The following VPS45 variants were observed in gnomAD, a reference collection of about 807,000 sequenced individuals.
VPS45 encodes vacuolar protein sorting-associated protein 45.
A neutral mutation model predicts 75.9 loss-of-function variants in VPS45; 35 were observed. The observed-to-expected ratio is 0.46, with a 90% CI of 0.35 to 0.61. The LOEUF is 0.61. VPS45 is among the 20% of genes least tolerant of loss of function. The pLI, the probability that VPS45 is intolerant of heterozygous loss-of-function variation, is 0.00. For synonymous variants in VPS45, 220 were observed against 238.2 expected (o/e 0.92, Z 0.70); for missense variants, 559 against 685.9 (o/e 0.81, Z 2.07).
At chr1:150,122,107 G>T (rs1658265951) in intron 14 of VPS45, among the ~76,000 whole-genome samples, 1 of 152,090 alleles carries the variant, frequency 6.6e-6, no homozygotes, top group Admixed American at 6.5e-5. Context: ...GATCACCTGA[G>T]GTCAAGAGTT....
At chr1:150,127,165 A>T (rs587685534) in intron 14 of VPS45, among the ~76,000 whole-genome samples, 2 of 152,230 alleles carry the variant, frequency 1.3e-5, no homozygotes, top group African/African-American at 4.8e-5. Flanking sequence ...ATGCTGAAAG[A>T]TAATATTTTG....
intron 14 of VPS45, among the ~76,000 whole-genome samples, chr1:150,138,093 C>G (rs1449639992): frequency 6.6e-6 from 1 of 152,030 alleles, no homozygotes; most frequent in Non-Finnish European, 1.5e-5. Flanking sequence ...CTCACATATT[C>G]TCTTAAATCC....
intron 14 of VPS45, among the ~76,000 whole-genome samples, chr1:150,131,406 G>A (rs901019935): frequency 6.6e-6 from 1 of 152,134 alleles, no homozygotes; most frequent in South Asian, 2.1e-4. Flanking sequence ...TACTCAGGAG[G>A]CTGAGGCAGG....
intron 13 of VPS45, among the ~76,000 whole-genome samples, chr1:150,102,961 C>T (rs782479916): frequency 1.2e-4 from 18 of 152,002 alleles, no homozygotes; most frequent in Non-Finnish European, 2.4e-4. Context: ...TATGACAAAC[C>T]GCCGTGACAC....
intron 7 of VPS45, 123 bp downstream of exon 7, chr1:150,077,902 T>C (rs1655486743): frequency 1.3e-6 from 1 of 785,120 alleles, no homozygotes; most frequent in Non-Finnish European, 2.1e-6. Context: ...TTCTTGGTTT[T>C]GCTTTGTATT....
chr1:150,122,924 A>C (rs1658312526), intron 14 of VPS45, among the ~76,000 whole-genome samples: 1 of 146,714 alleles, frequency 6.8e-6, no homozygotes, highest in Admixed American at 7.1e-5. Flanking sequence ...GCTTGAACCC[A>C]GGAGGCGGAG....
chr1:150,116,539 G>A (rs1354258351), intron 14 of VPS45, among the ~76,000 whole-genome samples: 2 of 152,050 alleles, frequency 1.3e-5, no homozygotes, highest in African/African-American at 2.4e-5. Flanking sequence ...AGCTAGTATT[G>A]GAAGCCAGAA....
At chr1:150,088,249 A>G (rs1163656318) in intron 10 of VPS45, among the ~76,000 whole-genome samples, 1 of 151,984 alleles carries the variant, frequency 6.6e-6, no homozygotes, top group Non-Finnish European at 1.5e-5. Flanking sequence ...ATCCTCTGGT[A>G]ACTGCTATTC....
chr1:150,123,743 G>A (rs183387098), intron 14 of VPS45, among the ~76,000 whole-genome samples: 2 of 152,242 alleles, frequency 1.3e-5, no homozygotes, highest in East Asian at 1.9e-4. Flanking sequence ...AATTGTTATC[G>A]TAATAGGCAA....
At chr1:150,124,003 A>T (rs148875861) in intron 14 of VPS45, among the ~76,000 whole-genome samples, 78 of 152,186 alleles carry the variant, frequency 5.1e-4, no homozygotes, top group Non-Finnish European at 7.8e-4. Flanking sequence ...ATTCTTTGTC[A>T]TAGTACTAGA....
intron 10 of VPS45, 94 bp from the exon 11 acceptor site, chr1:150,091,843 T>A: frequency 2.7e-6 from 3 of 1,115,222 alleles, no homozygotes; most frequent in Non-Finnish European, 3.9e-6. Context: ...AGTAGTGATG[T>A]ATCACTACCA....
At chr1:150,134,113 C>A (rs1462155746) in intron 14 of VPS45, among the ~76,000 whole-genome samples, 3 of 152,058 alleles carry the variant, frequency 2.0e-5, no homozygotes, top group Admixed American at 1.3e-4. Context: ...GGTAAAATAA[C>A]CCCAGTGGAA....
chr1:150,092,985 G>T (rs1397298275), intron 12 of VPS45, among the ~76,000 whole-genome samples: 1 of 146,886 alleles, frequency 6.8e-6, no homozygotes, highest in Admixed American at 6.9e-5. Flanking sequence ...TGGGACTACA[G>T]GCATACACCA....
At chr1:150,095,218 T>C (rs1656553038) in intron 13 of VPS45, among the ~76,000 whole-genome samples, 1 of 152,012 alleles carries the variant, frequency 6.6e-6, no homozygotes, top group Non-Finnish European at 1.5e-5. Flanking sequence ...AGGAAATAAA[T>C]AGGGTGATGA....
intron 14 of VPS45, among the ~76,000 whole-genome samples, chr1:150,134,969 T>A (rs1553813255): frequency 6.6e-6 from 1 of 152,192 alleles, no homozygotes; most frequent in African/African-American, 2.4e-5. Flanking sequence ...AGGCAGGAAC[T>A]AAAACGCAAA....
intron 3 of VPS45, among the ~76,000 whole-genome samples, chr1:150,075,876 AG>A (rs1655344635): frequency 6.6e-6 from 1 of 150,874 alleles, no homozygotes; most frequent in African/African-American, 2.4e-5. Flanking sequence ...CAGCCTCCCG[AG>A]TAGCTGGGAC....
rs782545552 is a variant in VPS45, at chr1:150,144,872, G to T, written c.*76G>T. Reference sequence around the variant, plus strand: ...TTTTCCCTACTAAACAAAGGTGTTGGAGAGCAGCTTTGGGTTCTGTGCTGG... The same window carrying T: ...TTTTCCCTACTAAACAAAGGTGTTGTAGAGCAGCTTTGGGTTCTGTGCTGG... On this transcript the variant is annotated 3_prime_UTR_variant, in exon 15 of 15. Coordinates refer to ENST00000644510, the MANE Select transcript of VPS45 (RefSeq NM_007259.5). 10 of 1,602,516 alleles carry T rather than the reference G, an allele frequency of 6.2e-6. No homozygotes were observed. The highest frequency in any genetic ancestry group is 1.3e-5 in the African/African-American group (1 of 74,788).
chr1:150,089,182 T>G (rs1571844785), intron 10 of VPS45, among the ~76,000 whole-genome samples: 3 of 152,074 alleles, frequency 2.0e-5, no homozygotes, highest in Admixed American at 2.0e-4. Context: ...CATACCAGTT[T>G]TGTGAATTTA....
intron 13 of VPS45, among the ~76,000 whole-genome samples, chr1:150,096,069 C>T (rs1571856053): frequency 1.3e-5 from 2 of 152,176 alleles, no homozygotes; most frequent in Non-Finnish European, 2.9e-5. Flanking sequence ...ATTTATGGAA[C>T]AAGGGTAAGA....
Sources: gnomAD v4.1 joint callset for allele counts (sites outside exome capture counted in the v4.1 genomes callset) on GRCh38, gnomAD v4.1.1 for gene constraint, MANE v1.5 for transcripts, NCBI Gene and HGNC (gene_info 2026-07-23, HGNC 2026-07-21) for gene names.